UBE2E2: variants seen among roughly 807,000 people sequenced by gnomAD.
UBE2E2 encodes ubiquitin conjugating enzyme E2 E2, also known as ubiquitin-conjugating enzyme E2 E2.
In UBE2E2, 6 loss-of-function variants were observed where a neutral mutation model predicts 24.7. That is an observed-to-expected ratio of 0.24 (90% CI 0.13 to 0.48). The LOEUF (loss-of-function observed/expected upper bound fraction) is 0.48, where lower values mean the gene tolerates loss of function less well. Among genes scored for constraint, UBE2E2 ranks in the 20% least tolerant of loss-of-function variants. UBE2E2 has a pLI of 0.99. For missense variants in UBE2E2, 169 were observed against 245.0 expected, an observed-to-expected ratio of 0.69 and a Z score of 2.07; for synonymous variants, 104 against 83.6, an observed-to-expected ratio of 1.24 and a Z score of -1.33.
intron 3 of UBE2E2, among the ~76,000 whole-genome samples, chr3:23,418,167 AACCC>A (rs535446503): frequency 3.0e-4 from 45 of 152,198 alleles, no homozygotes; most frequent in Middle Eastern, 3.4e-3. Flanking sequence ...TTGTACTTGA[AACCC>A]ACGGCCCTGG....
intron 3 of UBE2E2, among the ~76,000 whole-genome samples, chr3:23,428,134 A>G (rs1487022261): frequency 6.6e-6 from 1 of 152,220 alleles, no homozygotes; most frequent in East Asian, 1.9e-4. Flanking sequence ...TTAAGCTCAC[A>G]TGAAACATTC....
rs549508266 is a variant in UBE2E2 at position 23,533,768 on chromosome 3, G to A, written c.508+1067G>A. Among the ~76,000 whole-genome samples, 16 of 151,890 alleles carry A rather than the reference G, an allele frequency of 1.1e-4. No individual in the cohort carries two copies. The South Asian group carries it at 2.3e-3, about 22-fold the overall frequency. On this transcript the variant is annotated intron_variant, in intron 5 of 5. Coordinates refer to ENST00000396703, the MANE Select transcript of UBE2E2 (RefSeq NM_152653.4). ...CCCCCAAGTAGCTGGGATTACAGCC[G>A]TGTGCCGCCAAGCCCAGCTTATTTT...
At chr3:23,456,741 G>A (rs918057345) in intron 3 of UBE2E2, among the ~76,000 whole-genome samples, 1 of 152,172 alleles carries the variant, frequency 6.6e-6, no homozygotes, top group African/African-American at 2.4e-5. Context: ...AGTTGATTTA[G>A]CATAATTATT....
intron 3 of UBE2E2, among the ~76,000 whole-genome samples, chr3:23,453,448 A>G (rs1001605144): frequency 1.3e-5 from 2 of 152,304 alleles, no homozygotes; most frequent in Admixed American, 1.3e-4. Context: ...GTTAAACAGA[A>G]TATATACCCA....
intron 3 of UBE2E2, among the ~76,000 whole-genome samples, chr3:23,378,632 CCTT>C (rs1443461512): frequency 3.3e-5 from 5 of 152,130 alleles, no homozygotes; most frequent in Non-Finnish European, 7.4e-5. Flanking sequence ...TTTATGATCA[CCTT>C]CTAATTGCAA....
intron 3 of UBE2E2, among the ~76,000 whole-genome samples, chr3:23,224,948 A>G (rs1176124892): frequency 3.5e-5 from 5 of 144,222 alleles, no homozygotes; most frequent in Non-Finnish European, 7.5e-5. Context: ...CTTTGGCAGC[A>G]CTTGATGTTG....
chr3:23,385,710 A>T (rs890692943), intron 3 of UBE2E2, among the ~76,000 whole-genome samples: 2 of 152,206 alleles, frequency 1.3e-5, no homozygotes, highest in Non-Finnish European at 2.9e-5. Context: ...CATGGAATGC[A>T]AGATTGTGTG....
intron 3 of UBE2E2, among the ~76,000 whole-genome samples, chr3:23,496,487 A>C (rs1281295418): frequency 6.6e-6 from 1 of 152,102 alleles, no homozygotes; most frequent in Non-Finnish European, 1.5e-5. Flanking sequence ...TGTGTCCCTC[A>C]GTAGTATATG....
At chr3:23,579,732 T>C (rs1276039040) in intron 5 of UBE2E2, among the ~76,000 whole-genome samples, 1 of 152,098 alleles carries the variant, frequency 6.6e-6, no homozygotes, top group East Asian at 1.9e-4. Flanking sequence ...TACTATTTCC[T>C]AAGGCTATAG....
chr3:23,243,749 T>C (rs1255033812), intron 3 of UBE2E2, among the ~76,000 whole-genome samples: 3 of 26,150 alleles, frequency 1.1e-4, no homozygotes, highest in Non-Finnish European at 2.0e-4. Context: ...ATAGTATTTC[T>C]TTTTTTTTTT....
chr3:23,208,674 T>C lies in UBE2E2; in HGVS notation c.-8-18T>C. The C allele has an allele frequency of 6.3e-7, 1 of 1,580,666 alleles. No individual in the cohort carries two copies. On this transcript the variant is annotated intron_variant, in intron 1 of 5. Coordinates refer to ENST00000396703, the MANE Select transcript of UBE2E2 (RefSeq NM_152653.4). ...CTGTAGTACAGCTAAATAAATGATT[T>C]TTGATTCTTTAATCCAGGATCTAAA...
At chr3:23,522,543 T>C (rs1017874669) in intron 4 of UBE2E2, among the ~76,000 whole-genome samples, 1 of 152,214 alleles carries the variant, frequency 6.6e-6, no homozygotes, top group African/African-American at 2.4e-5. Flanking sequence ...GTTTGTACTC[T>C]TAGAGTTTTG....
At chr3:23,466,462 A>C (rs1698920722) in intron 3 of UBE2E2, among the ~76,000 whole-genome samples, 1 of 152,210 alleles carries the variant, frequency 6.6e-6, no homozygotes, top group Non-Finnish European at 1.5e-5. Flanking sequence ...TAGTGAGCTT[A>C]TTAGGGAATA....
At chr3:23,282,836 T>C (rs1256475004) in intron 3 of UBE2E2, among the ~76,000 whole-genome samples, 3 of 151,774 alleles carry the variant, frequency 2.0e-5, no homozygotes, top group African/African-American at 7.3e-5. Flanking sequence ...ATACCCACAG[T>C]GAATTAATTT....
chr3:23,304,985 C>A (rs1699202121), intron 3 of UBE2E2, among the ~76,000 whole-genome samples: 1 of 152,020 alleles, frequency 6.6e-6, no homozygotes, highest in South Asian at 2.1e-4. Flanking sequence ...TGCAGACTTT[C>A]CACATGTTGA....
intron 4 of UBE2E2, among the ~76,000 whole-genome samples, chr3:23,530,562 C>T (rs1695099153): frequency 6.6e-6 from 1 of 152,106 alleles, no homozygotes; most frequent in Admixed American, 6.5e-5. Context: ...TTTTTGTTAG[C>T]TAGTGTTTAC....
intron 1 of UBE2E2, among the ~76,000 whole-genome samples, chr3:23,208,241 T>C (rs1696206195): frequency 6.6e-6 from 1 of 152,166 alleles, no homozygotes; most frequent in Non-Finnish European, 1.5e-5. Flanking sequence ...TTCAGGACAT[T>C]TCATATAAAT....
At chr3:23,354,464 A>G (rs969727103) in intron 3 of UBE2E2, among the ~76,000 whole-genome samples, 6 of 152,212 alleles carry the variant, frequency 3.9e-5, no homozygotes, top group Non-Finnish European at 1.5e-5. Flanking sequence ...AATGGGTGAA[A>G]ATTTTCGCAA....
At chr3:23,312,144 C>T (rs1410663456) in intron 3 of UBE2E2, among the ~76,000 whole-genome samples, 1 of 152,214 alleles carries the variant, frequency 6.6e-6, no homozygotes. Context: ...CCTTTGCCTT[C>T]TGCCATGATT....
Sources: allele counts gnomAD v4.1 joint callset (sites outside exome capture counted in the v4.1 genomes callset), GRCh38; gene constraint gnomAD v4.1.1; transcripts MANE v1.5; gene names NCBI Gene and HGNC (gene_info 2026-07-23, HGNC 2026-07-21).